GDI2: variants seen among roughly 807,000 people sequenced by gnomAD.
GDI2 encodes rab GDP dissociation inhibitor beta.
GDI2 carries 22 observed loss-of-function variants against 54.2 expected under a neutral mutation model. The ratio of observed to expected loss-of-function variants is 0.41; its 90% confidence interval spans 0.29 to 0.58. The LOEUF (loss-of-function observed/expected upper bound fraction) is 0.58, where lower values mean the gene tolerates loss of function less well. Ranked by LOEUF, GDI2 falls within the 20% of genes least tolerant of loss-of-function variation. GDI2 has a pLI of 0.35. For missense variants in GDI2, 422 were observed against 546.0 expected (o/e 0.77, Z 2.26); for synonymous variants, 177 against 182.1 (o/e 0.97, Z 0.23).
chr10:5,768,477 G>A lies in GDI2; in HGVS notation c.820-93C>T. ...AGTTTGGAAGACTTAGTATTGTTAA[G>A]ATATCAAAAACCATCCTCAAGTTCA... On this transcript the variant is annotated intron_variant, in intron 7 of 10. Transcript: ENST00000380191. This position sits in a 1 kb window ranked among gnomAD's most constrained non-coding sequence, Gnocchi z 4.4. The A allele has an allele frequency of 2.5e-6, 2 of 807,578 alleles. No homozygotes were observed. The highest frequency in any genetic ancestry group is 1.7e-5 in the African/African-American group (1 of 58,044). 50.0% of individuals were successfully genotyped at this position (807,578 alleles called of 1,614,324 possible). A position where few individuals can be genotyped will look rare whatever the true frequency, so the allele number is the denominator to read the frequency against.
intron 6 of GDI2, among the ~76,000 whole-genome samples, chr10:5,783,612 A>G (rs1840809060): frequency 2.0e-5 from 3 of 152,140 alleles, no homozygotes; most frequent in Non-Finnish European, 1.5e-5. Context: ...CAAGATTTGG[A>G]GCTCCTTTTA....
At chr10:5,782,677 T>C (rs72772369) in intron 6 of GDI2, among the ~76,000 whole-genome samples, 14,174 of 152,278 alleles carry the variant, frequency 0.093, 781 homozygotes, top group East Asian at 0.15. Flanking sequence ...CTCACACCTG[T>C]AATCCCAGCA....
At chr10:5,780,926 C>T (rs571179747) in intron 6 of GDI2, among the ~76,000 whole-genome samples, 424 of 152,172 alleles carry the variant, frequency 2.8e-3, no homozygotes, top group Non-Finnish European at 4.6e-3. Context: ...TATGGAAATG[C>T]GAACACCCAA....
intron 6 of GDI2, among the ~76,000 whole-genome samples, chr10:5,780,201 C>T (rs1055099122): frequency 3.6e-5 from 5 of 139,556 alleles, no homozygotes; most frequent in African/African-American, 1.3e-4. Flanking sequence ...AGAGTAAGAT[C>T]GTGTCTCCAA....
rs528065753 is a variant in GDI2, at chr10:5,767,272, A to C, written c.992-634T>G. Among the ~76,000 whole-genome samples the C allele has an allele frequency of 1.1e-3, 172 of 151,668 alleles. 1 individual carries two copies. Among genetic ancestry groups the C allele is most frequent in the African/African-American group, 3.8e-3 (159 of 41,410 alleles). ...AGGACCCGCCTGGGAACCTTGTGGA[A>C]GATTAAGTCCAGTCCCTTTGTTCTA... On this transcript the variant is annotated intron_variant, in intron 8 of 10. Transcript: ENST00000380191.
intron 7 of GDI2, among the ~76,000 whole-genome samples, chr10:5,770,497 G>C (rs957917753): frequency 6.6e-6 from 1 of 152,110 alleles, no homozygotes; most frequent in African/African-American, 2.4e-5. Context: ...GGGAGGCAGA[G>C]ATTGCAGTGA....
intron 4 of GDI2, among the ~76,000 whole-genome samples, chr10:5,790,136 T>G (rs950011743): frequency 6.6e-6 from 1 of 152,228 alleles, no homozygotes; most frequent in African/African-American, 2.4e-5. Context: ...CAAGAAAAAG[T>G]TGAATTCCTT....
At position 5,766,081 on chromosome 10, in the gene GDI2, A is replaced by C; in HGVS notation, c.1263T>G (p.Tyr421Ter). 1 of 1,607,842 alleles carries C rather than the reference A, an allele frequency of 6.2e-7. No individual in the cohort carries two copies. The highest frequency in any genetic ancestry group is 8.5e-7 in the Non-Finnish European group (1 of 1,177,580). Residue 421 changes from tyrosine to a stop codon, truncating the protein, a stop_gained, in exon 11 of 11, where the codon TAT becomes TAG. Transcript: ENST00000380191. LOFTEE classifies it high-confidence loss of function. This position sits in a 1 kb window ranked among gnomAD's most constrained non-coding sequence, Gnocchi z 5.8. ...ETTCDDIKNI[Y>*]KRMTGSEFDF... Reference sequence around the variant, plus strand: ...CAAACTCTGATCCTGTCATCCTCTTATAGATGTTTTTAATGTCATCACACG... The same window carrying C: ...CAAACTCTGATCCTGTCATCCTCTTCTAGATGTTTTTAATGTCATCACACG...
intron 1 of GDI2, among the ~76,000 whole-genome samples, chr10:5,812,592 G>C (rs1158406972): frequency 6.6e-6 from 1 of 152,226 alleles, no homozygotes; most frequent in Non-Finnish European, 1.5e-5. Flanking sequence ...TAAGTGAGAA[G>C]GGAGGGTGGC....
chr10:5,772,127 G>C (rs149018448), intron 7 of GDI2, among the ~76,000 whole-genome samples: 2 of 151,968 alleles, frequency 1.3e-5, no homozygotes, highest in African/African-American at 4.8e-5. Flanking sequence ...CTATTATGCT[G>C]AAAGTACAAG....
chr10:5,768,238 T>G lies in GDI2; in HGVS notation c.966A>C (p.Pro322=). The change falls in exon 8 of 11, where the codon CCA becomes CCC. Residue 322 remains proline (P), a synonymous_variant. Transcript: ENST00000380191. The surrounding 1 kb of genome is among the most constrained non-coding windows in gnomAD (Gnocchi z 4.4). ...NDANSCQIII[P]QNQVNRKSDI... ...CTGACTTTCGATTGACTTGGTTCTGTGGAATAATGATCTGGCAGGAGTTGG... is the reference window on the plus strand; with the variant it reads ...CTGACTTTCGATTGACTTGGTTCTGGGGAATAATGATCTGGCAGGAGTTGG... The G allele has an allele frequency of 1.9e-6, 3 of 1,613,470 alleles. No individual in the cohort carries two copies. In the South Asian group the frequency reaches 3.3e-5, roughly 18 times the overall value.
chr10:5,776,525 G>T lies in GDI2; in HGVS notation c.720-2584C>A. ...GCCCGAAAGATAAAACAATTATAGAGAAGCAGATTTGAAGAGGCATGTGGA... is the reference window on the plus strand; with the variant it reads ...GCCCGAAAGATAAAACAATTATAGATAAGCAGATTTGAAGAGGCATGTGGA... On this transcript the variant is annotated intron_variant, in intron 6 of 10. Coordinates refer to ENST00000380191, the MANE Select transcript of GDI2 (RefSeq NM_001494.4). The surrounding 1 kb of genome is among the most constrained non-coding windows in gnomAD (Gnocchi z 5.3). 1 of 1,485,930 alleles carries T rather than the reference G, an allele frequency of 6.7e-7. No homozygotes were observed. The highest frequency in any genetic ancestry group is 9.4e-7 in the Non-Finnish European group (1 of 1,067,252). 92.0% of individuals were successfully genotyped at this position (1,485,930 alleles called of 1,614,324 possible).
intron 6 of GDI2, among the ~76,000 whole-genome samples, chr10:5,777,927 C>T (rs1226445401): frequency 6.6e-6 from 1 of 152,150 alleles, no homozygotes; most frequent in Admixed American, 6.5e-5. Flanking sequence ...AAATGTGGCA[C>T]ATATACACCA....
intron 2 of GDI2, among the ~76,000 whole-genome samples, chr10:5,799,345 A>AAAC (rs1056661622): frequency 1.3e-5 from 2 of 152,150 alleles, no homozygotes; most frequent in Admixed American, 1.3e-4. Context: ...TCTTAAAAAC[A>AAAC]AACAACAACA....
intron 2 of GDI2, among the ~76,000 whole-genome samples, chr10:5,799,607 G>A (rs1197563679): frequency 6.6e-6 from 1 of 152,222 alleles, no homozygotes; most frequent in Non-Finnish European, 1.5e-5. Flanking sequence ...AGGCGAGACT[G>A]TGCCACTGCA....
chr10:5,799,287 C>CG (rs1157531562), intron 2 of GDI2, among the ~76,000 whole-genome samples: 1 of 152,198 alleles, frequency 6.6e-6, no homozygotes, highest in Non-Finnish European at 1.5e-5. Flanking sequence ...CAGCAAGCTA[C>CG]GATCGCACTG....
intron 4 of GDI2, among the ~76,000 whole-genome samples, chr10:5,794,186 A>ATATATAT (rs1197154882): frequency 6.4e-5 from 3 of 46,662 alleles, no homozygotes; most frequent in Non-Finnish European, 8.0e-5. Context: ...AAAAAAAAAA[A>ATATATAT]AAATATATAT....
rs777267112 is a variant in GDI2 at position 5,768,163 on chromosome 10, A to C, written c.991+50T>G. On this transcript the variant is annotated intron_variant, in intron 8 of 10. Coordinates refer to ENST00000380191, the MANE Select transcript of GDI2 (RefSeq NM_001494.4). This position sits in a 1 kb window ranked among gnomAD's most constrained non-coding sequence, Gnocchi z 4.4. Reference sequence around the variant, plus strand: ...GGAATTTGGGATAAAACACAAAGCAAATTATATCTTACAAAATTCTACCAA... The same window carrying C: ...GGAATTTGGGATAAAACACAAAGCACATTATATCTTACAAAATTCTACCAA... 2.0e-6 allele frequency: 3 copies of C among 1,497,088 alleles called. No homozygotes were observed. Among genetic ancestry groups the C allele is most frequent in the Non-Finnish European group, 2.8e-6 (3 of 1,078,514 alleles). The allele number at this position is 1,497,088 out of a possible 1,614,324, so 92.7% of individuals were successfully genotyped here.
intron 6 of GDI2, among the ~76,000 whole-genome samples, chr10:5,778,527 C>T (rs1840677030): frequency 6.6e-6 from 1 of 152,156 alleles, no homozygotes; most frequent in Non-Finnish European, 1.5e-5. Context: ...CACCTCAAGA[C>T]TATCAGGAGA....
Sources: gnomAD v4.1 joint callset for allele counts (sites outside exome capture counted in the v4.1 genomes callset) on GRCh38, gnomAD v4.1.1 for gene constraint, Gnocchi (gnomAD v3.1) non-coding constraint, MANE v1.5 for transcripts, NCBI Gene and HGNC (gene_info 2026-07-23, HGNC 2026-07-21) for gene names.